The following XPR1 variants were observed in gnomAD, a reference collection of about 807,000 sequenced individuals.
The protein encoded by XPR1 is xenotropic and polytropic retrovirus receptor 1, also known as solute carrier family 53 member 1.
Under a neutral mutation model 87.5 loss-of-function variants are expected in XPR1, and 28 were observed. That is an observed-to-expected ratio of 0.32 (90% confidence interval 0.24 to 0.44). The LOEUF is 0.44. XPR1 is among the 20% of genes least tolerant of loss of function. The pLI is 1.00. For synonymous variants in XPR1, 300 were observed against 306.1 expected, an observed-to-expected ratio of 0.98 and a Z score of 0.21; for missense variants, 559 against 862.3, an observed-to-expected ratio of 0.65 and a Z score of 4.41.
At chr1:180,819,248 T>A (rs1650523683) in intron 7 of XPR1, among the ~76,000 whole-genome samples, 1 of 152,210 alleles carries the variant, frequency 6.6e-6, no homozygotes, top group South Asian at 2.1e-4. Context: ...CCATGCCTGG[T>A]CCCTGTTTTT....
At chr1:180,788,666 A>C (rs1166393028) in intron 3 of XPR1, among the ~76,000 whole-genome samples, 1 of 152,228 alleles carries the variant, frequency 6.6e-6, no homozygotes, top group Non-Finnish European at 1.5e-5. Flanking sequence ...TTGATGAAAA[A>C]AAAAGTAGTC....
intron 1 of XPR1, among the ~76,000 whole-genome samples, chr1:180,633,986 A>G (rs1034789096): frequency 6.6e-6 from 1 of 152,204 alleles, no homozygotes. Context: ...TCGACACTTA[A>G]CTATTTCATG....
chr1:180,658,222 A>G (rs913954497), intron 1 of XPR1, among the ~76,000 whole-genome samples: 5 of 152,224 alleles, frequency 3.3e-5, no homozygotes, highest in Admixed American at 3.3e-4. Context: ...ATAAGATCAT[A>G]TCATCTGCAA....
intron 13 of XPR1, among the ~76,000 whole-genome samples, chr1:180,876,181 C>T (rs1015901416): frequency 1.3e-5 from 2 of 152,136 alleles, no homozygotes; most frequent in South Asian, 2.1e-4. Flanking sequence ...GCCAGCATAA[C>T]TTTGATATAT....
chr1:180,686,183 T>G (rs1192822151), intron 2 of XPR1, among the ~76,000 whole-genome samples: 6 of 152,212 alleles, frequency 3.9e-5, no homozygotes, highest in Non-Finnish European at 4.4e-5. Flanking sequence ...TCTGGTATGT[T>G]GTGTCTTTGT....
chr1:180,642,525 A>C (rs143434178), intron 1 of XPR1, among the ~76,000 whole-genome samples: 2 of 152,126 alleles, frequency 1.3e-5, no homozygotes, highest in Non-Finnish European at 2.9e-5. Context: ...TTACCTTCTA[A>C]GGTAGGTTTT....
intron 3 of XPR1, among the ~76,000 whole-genome samples, chr1:180,788,405 A>T (rs574145620): frequency 6.6e-6 from 1 of 152,340 alleles, no homozygotes; most frequent in East Asian, 1.9e-4. Context: ...TAGTAAAACA[A>T]TGTCTTTATA....
intron 3 of XPR1, among the ~76,000 whole-genome samples, chr1:180,793,236 CTTA>C (rs1346129491): frequency 6.6e-6 from 1 of 151,978 alleles, no homozygotes; most frequent in Admixed American, 6.6e-5. Flanking sequence ...AAGAGCTATT[CTTA>C]TTATATAGTT....
chr1:180,815,513 C>T (rs1182469112), intron 7 of XPR1, among the ~76,000 whole-genome samples: 3 of 151,958 alleles, frequency 2.0e-5, no homozygotes, highest in South Asian at 2.1e-4. Flanking sequence ...TGTACAAGCA[C>T]GATTCTTTTT....
At chr1:180,856,521 C>T (rs1037871561) in intron 11 of XPR1, among the ~76,000 whole-genome samples, 1 of 152,132 alleles carries the variant, frequency 6.6e-6, no homozygotes, top group African/African-American at 2.4e-5. Context: ...TCCTCCACCT[C>T]GATGTTTCGT....
intron 4 of XPR1, among the ~76,000 whole-genome samples, chr1:180,805,842 G>T (rs567180778): frequency 6.6e-6 from 1 of 152,194 alleles, no homozygotes; most frequent in South Asian, 2.1e-4. Flanking sequence ...ATAGTTCAGG[G>T]TTTCTTTGTG....
chr1:180,726,565 G>A (rs1318205695), intron 2 of XPR1, among the ~76,000 whole-genome samples: 1 of 152,148 alleles, frequency 6.6e-6, no homozygotes, highest in Admixed American at 6.5e-5. Context: ...CACCCCTCTT[G>A]GGGTCCCTGA....
intron 9 of XPR1, among the ~76,000 whole-genome samples, chr1:180,831,361 T>TC: frequency 1.7e-5 from 1 of 60,332 alleles, no homozygotes; most frequent in Admixed American, 1.6e-4. Flanking sequence ...CTTTTCTTTT[T>TC]CTTTTTTTTT....
chr1:180,840,821 C>T (rs1261561733), intron 11 of XPR1, among the ~76,000 whole-genome samples: 2 of 151,788 alleles, frequency 1.3e-5, no homozygotes, highest in East Asian at 1.9e-4. Context: ...GTAAGCACCT[C>T]GTTCCTTCAT....
intron 11 of XPR1, among the ~76,000 whole-genome samples, chr1:180,850,822 C>T (rs1003331872): frequency 2.6e-5 from 4 of 151,926 alleles, no homozygotes; most frequent in Non-Finnish European, 4.4e-5. Flanking sequence ...AGGCAAGTGT[C>T]GTGGTACACA....
rs1028262398 is a variant in XPR1, at chr1:180,632,149, C to T, written c.-53C>T. The stretch of plus-strand genomic sequence containing the variant: ...GGGGAGGAGTCGGAGTCGCTGTTGC[C>T]GCCGCCGCCTGTAGCTGCTGGACCC... On this transcript the variant is annotated 5_prime_UTR_variant, in exon 1 of 15. Coordinates refer to ENST00000367590, the MANE Select transcript of XPR1 (RefSeq NM_004736.4). 4 of 1,566,406 alleles carry T rather than the reference C, an allele frequency of 2.6e-6. No homozygotes were observed. The highest frequency in any genetic ancestry group is 1.4e-5 in the African/African-American group (1 of 73,666).
At chr1:180,688,093 C>A (rs1471778362) in intron 2 of XPR1, among the ~76,000 whole-genome samples, 1 of 149,334 alleles carries the variant, frequency 6.7e-6, no homozygotes, top group African/African-American at 2.5e-5. Context: ...CTCTCTCTCC[C>A]AGGCTGGAGT....
chr1:180,875,317 C>T (rs1652626566), intron 13 of XPR1, among the ~76,000 whole-genome samples: 1 of 151,892 alleles, frequency 6.6e-6, no homozygotes, highest in Admixed American at 6.6e-5. Context: ...TGACACTGGC[C>T]TGGGCAACAT....
chr1:180,845,766 C>G (rs374748160), intron 11 of XPR1, among the ~76,000 whole-genome samples: 1 of 37,274 alleles, frequency 2.7e-5, no homozygotes, highest in Non-Finnish European at 6.0e-5. Flanking sequence ...CAAAGCTGAC[C>G]TGAGCCTGCT....
Sources: allele counts gnomAD v4.1 joint callset (sites outside exome capture counted in the v4.1 genomes callset), GRCh38; gene constraint gnomAD v4.1.1; transcripts MANE v1.5; gene names NCBI Gene and HGNC (gene_info 2026-07-23, HGNC 2026-07-21).